Variants in GALNTL5 observed in about 807,000 individuals in gnomAD.
GALNTL5 encodes the protein polypeptide N-acetylgalactosaminyltransferase like 5, also known as inactive polypeptide N-acetylgalactosaminyltransferase-like protein 5.
A neutral mutation model predicts 51.0 loss-of-function variants in GALNTL5; 44 were observed. The observed-to-expected ratio is 0.86, with a 90% CI of 0.68 to 1.11. The LOEUF is 1.11. Among genes scored for constraint, GALNTL5 ranks in the 50% least tolerant of loss-of-function variants. The pLI is 0.00. For synonymous variants in GALNTL5, 192 were observed against 182.8 expected (o/e 1.05, Z -0.41); for missense variants, 528 against 531.8 (o/e 0.99, Z 0.07).
chr7:151,980,727 G>A (rs73161842), intron 3 of GALNTL5, among the ~76,000 whole-genome samples: 25,852 of 142,980 alleles, frequency 0.18, 2,536 homozygotes, highest in African/African-American at 0.24. Flanking sequence ...TGATTGCAGT[G>A]CTAACAATGA....
At chr7:152,017,038 C>CAA (rs201395203) in intron 8 of GALNTL5, among the ~76,000 whole-genome samples, 85 of 116,598 alleles carry the variant, frequency 7.3e-4, no homozygotes, top group East Asian at 7.9e-4. Flanking sequence ...AGCTCCATCT[C>CAA]AAAAAAAAAA....
chr7:152,002,281 GA>G (rs112236513), intron 5 of GALNTL5, among the ~76,000 whole-genome samples: 102 of 141,440 alleles, frequency 7.2e-4, no homozygotes, highest in Middle Eastern at 3.6e-3. Context: ...CTCCATCTCA[GA>G]AAAAAAAAAA....
chr7:152,002,685 C>G lies in GALNTL5; in HGVS notation c.659-29C>G. 2.5e-6 allele frequency: 4 copies of G among 1,607,576 alleles called. No homozygotes were observed. In the Middle Eastern group the frequency reaches 6.7e-4, roughly 268 times the overall value. On this transcript the variant is annotated intron_variant, in intron 5 of 8. Transcript: ENST00000392800. ...TGCCGTATTTTTTCAGCTATGTGGA[C>G]TAACATTGCCCTGTTCTTGCCTCCC...
intron 3 of GALNTL5, among the ~76,000 whole-genome samples, chr7:151,978,966 G>A (rs1355832530): frequency 6.6e-6 from 1 of 152,056 alleles, no homozygotes; most frequent in East Asian, 1.9e-4. Context: ...TATGAATTTT[G>A]GAAGACACAA....
Position 151,967,408 on chromosome 7 carries a change from G to A in GALNTL5, c.162G>A (p.Gln54=), listed in dbSNP as rs1377681946. The change falls in exon 2 of 9, where the codon CAG becomes CAA. Residue 54 remains glutamine (Q), a synonymous_variant. Coordinates refer to ENST00000392800, the MANE Select transcript of GALNTL5 (RefSeq NM_145292.4). ...GGTCCCCTGGAAAAAAAGTGCATCA[G>A]CAAATTATCTATGGCTCAGAGCAAA... ...SAWSPGKKVH[Q]QIIYGSEQIP... The A allele has an allele frequency of 6.2e-7, 1 of 1,614,064 alleles. No individual in the cohort carries two copies. The highest frequency in any genetic ancestry group is 1.7e-5 in the Admixed American group (1 of 60,014).
At chr7:151,959,211 C>T (rs2080962446) in intron 1 of GALNTL5, among the ~76,000 whole-genome samples, 1 of 151,848 alleles carries the variant, frequency 6.6e-6, no homozygotes, top group Admixed American at 6.6e-5. Flanking sequence ...TTGTATATTA[C>T]ATTTGGTTGT....
intron 4 of GALNTL5, among the ~76,000 whole-genome samples, chr7:151,983,398 G>A (rs771854798): frequency 2.6e-5 from 4 of 151,986 alleles, no homozygotes; most frequent in African/African-American, 9.7e-5. Flanking sequence ...GGCTGGTCTC[G>A]AACTCCTGAT....
chr7:151,974,117 T>TTTTTTTGTGACTGGCTTATTTTG (rs1362836180), intron 3 of GALNTL5, among the ~76,000 whole-genome samples: 3 of 129,882 alleles, frequency 2.3e-5, no homozygotes, highest in Non-Finnish European at 3.4e-5. Context: ...TTACCCAGTC[T>TTTTTTTGTGACTGGCTTATTTTG]CAGGTGGTAT....
At chr7:152,014,615 C>G (rs369771716) in intron 7 of GALNTL5, 29 bp from the exon 8 acceptor site, 6 of 1,578,530 alleles carry the variant, frequency 3.8e-6, no homozygotes, top group Non-Finnish European at 5.1e-6. Context: ...ATAATGCATT[C>G]GTATGTTTTT....
At chr7:151,969,767 A>G (rs942798512) in intron 2 of GALNTL5, among the ~76,000 whole-genome samples, 2 of 152,146 alleles carry the variant, frequency 1.3e-5, no homozygotes, top group African/African-American at 4.8e-5. Flanking sequence ...AAAGGGTACA[A>G]TTACCTATGT....
chr7:151,982,810 TAAG>T lies in GALNTL5; in HGVS notation c.369-172_369-170del, dbSNP rs138021074. On this transcript the variant is annotated intron_variant, in intron 3 of 8. Transcript: ENST00000392800. ...TTATTCAGAAAATATTAGAACAACA[TAAG>T]AAGTTAAATAAATTTTTGTGTTTTT... is the stretch of plus-strand genomic sequence containing the variant. 7.4e-4 allele frequency: 990 copies of T among 1,330,394 alleles called. 10 individuals are homozygous for T. In the African/African-American group the frequency reaches 0.013, roughly 17 times the overall value. The allele number at this position is 1,330,394 out of a possible 1,614,324, so 82.4% of individuals were successfully genotyped here.
chr7:152,004,297 TG>T (rs2081616234), intron 6 of GALNTL5, among the ~76,000 whole-genome samples: 1 of 150,896 alleles, frequency 6.6e-6, no homozygotes, highest in East Asian at 1.9e-4. Context: ...TATACCTTTG[TG>T]TGATTAAATA....
chr7:151,965,426 G>T (rs576567535), intron 1 of GALNTL5, among the ~76,000 whole-genome samples: 1 of 152,102 alleles, frequency 6.6e-6, no homozygotes, highest in East Asian at 1.9e-4. Context: ...AGGAAACCTC[G>T]CAAGACTTTC....
intron 8 of GALNTL5, among the ~76,000 whole-genome samples, chr7:152,016,569 T>A (rs1279399644): frequency 6.6e-6 from 1 of 152,248 alleles, no homozygotes; most frequent in Non-Finnish European, 1.5e-5. Flanking sequence ...TCAGCAGTTC[T>A]GCTCATGCAT....
At chr7:151,993,612 T>C (rs2081455708) in intron 5 of GALNTL5, among the ~76,000 whole-genome samples, 1 of 152,200 alleles carries the variant, frequency 6.6e-6, no homozygotes, top group Non-Finnish European at 1.5e-5. Context: ...ACAATGTCTA[T>C]GTGTATTTTA....
chr7:151,990,124 C>T (rs541063561), intron 5 of GALNTL5, among the ~76,000 whole-genome samples: 2 of 152,024 alleles, frequency 1.3e-5, no homozygotes, highest in South Asian at 2.1e-4. Flanking sequence ...CTCACTGCAA[C>T]CTTCGCCTCC....
At chr7:152,002,205 G>C (rs527570125) in intron 5 of GALNTL5, among the ~76,000 whole-genome samples, 1 of 152,068 alleles carries the variant, frequency 6.6e-6, no homozygotes, top group South Asian at 2.1e-4. Flanking sequence ...GCTTGAACCC[G>C]GGAGGCGGAT....
chr7:151,976,468 A>G (rs2081206795), intron 3 of GALNTL5, among the ~76,000 whole-genome samples: 1 of 152,048 alleles, frequency 6.6e-6, no homozygotes, highest in South Asian at 2.1e-4. Flanking sequence ...TTCCATTTGC[A>G]TGAAATATCT....
intron 8 of GALNTL5, among the ~76,000 whole-genome samples, chr7:152,015,589 A>T (rs997911727): frequency 6.6e-6 from 1 of 151,652 alleles, no homozygotes; most frequent in Non-Finnish European, 1.5e-5. Context: ...CAATCTCTTG[A>T]CCTCATGATC....
Sources: gnomAD v4.1 joint callset for allele counts (sites outside exome capture counted in the v4.1 genomes callset) on GRCh38, gnomAD v4.1.1 for gene constraint, MANE v1.5 for transcripts, NCBI Gene and HGNC (gene_info 2026-07-23, HGNC 2026-07-21) for gene names.